PCDHA4: variants seen among roughly 807,000 people sequenced by gnomAD.
PCDHA4 encodes the protein protocadherin alpha-4.
In PCDHA4, 49 loss-of-function variants were observed where a neutral mutation model predicts 61.4. That is an observed-to-expected ratio of 0.80 (90% CI 0.63 to 1.01). PCDHA4 has a LOEUF of 1.01. PCDHA4 is among the 50% of genes least tolerant of loss of function. The pLI is 0.00. For missense variants in PCDHA4, 1,254 were observed against 1,235.8 expected, an observed-to-expected ratio of 1.01 and a Z score of -0.22; for synonymous variants, 590 against 550.3, an observed-to-expected ratio of 1.07 and a Z score of -1.01.
At position 140,882,742 on chromosome 5, in the gene PCDHA4, C is replaced by G. The variant is rs372229324; in HGVS notation, c.2385+73170C>G. Reference sequence around the variant, plus strand: ...CTCGATTTCCACTAGATGGCGCATCCGATGCAGATATTGGAGTAAACTCGG... The same window carrying G: ...CTCGATTTCCACTAGATGGCGCATCGGATGCAGATATTGGAGTAAACTCGG... On this transcript the variant is annotated intron_variant, in intron 1 of 3. Coordinates refer to ENST00000530339, the MANE Select transcript of PCDHA4 (RefSeq NM_018907.4). 126 of 1,614,092 alleles carry G rather than the reference C, an allele frequency of 7.8e-5. 1 individual carries two copies. The Middle Eastern group carries it at 1.6e-3, about 21-fold the overall frequency.
chr5:140,841,945 C>A (rs1554138662), intron 1 of PCDHA4: 1 of 1,613,782 alleles, frequency 6.2e-7, no homozygotes, highest in African/African-American at 1.3e-5. Flanking sequence ...CTCCTGCGCA[C>A]CACTTATTCC....
chr5:140,851,112 C>A lies in PCDHA4; in HGVS notation c.2385+41540C>A. On this transcript the variant is annotated intron_variant, in intron 1 of 3. Coordinates refer to ENST00000530339, the MANE Select transcript of PCDHA4 (RefSeq NM_018907.4). ...AATAGATATTTTTTGGGTGCTGAAT[C>A]AATTTTATTTAAATTTGTGATTAAA... The A allele has an allele frequency of 5.4e-6, 7 of 1,301,380 alleles. 1 individual carries two copies. The highest frequency in any genetic ancestry group is 7.0e-6 in the Non-Finnish European group (7 of 1,004,338). 80.6% of individuals were successfully genotyped at this position (1,301,380 alleles called of 1,614,324 possible). A position where few individuals can be genotyped will look rare whatever the true frequency, so the allele number is the denominator to read the frequency against.
chr5:140,905,170 G>A (rs1350085385), intron 1 of PCDHA4, among the ~76,000 whole-genome samples: 1 of 152,188 alleles, frequency 6.6e-6, no homozygotes, highest in Non-Finnish European at 1.5e-5. Context: ...ATGGTTTCAG[G>A]TTTTAGATTT....
intron 1 of PCDHA4, among the ~76,000 whole-genome samples, chr5:140,961,406 G>C (rs1046743232): frequency 4.6e-5 from 7 of 152,008 alleles, no homozygotes; most frequent in Non-Finnish European, 1.0e-4. Flanking sequence ...AACACTTTTT[G>C]GCATGTTATT....
chr5:140,850,322 C>A (rs2150479524), intron 1 of PCDHA4: 3 of 1,597,382 alleles, frequency 1.9e-6, no homozygotes, highest in African/African-American at 1.3e-5. Context: ...GGCTTTCATA[C>A]GAGCTGCAGC....
At chr5:140,965,037 C>T (rs1260839947) in intron 1 of PCDHA4, among the ~76,000 whole-genome samples, 1 of 152,142 alleles carries the variant, frequency 6.6e-6, no homozygotes, top group African/African-American at 2.4e-5. Context: ...TAACTGTCCG[C>T]TCTAGGAGGG....
intron 1 of PCDHA4, chr5:140,926,752 C>T (rs1176032200): frequency 8.0e-7 from 1 of 1,254,344 alleles, no homozygotes; most frequent in Admixed American, 3.6e-5. Context: ...CGTCGGCGGT[C>T]GCTGAGTATC....
chr5:140,858,487 C>G (rs896590695), intron 1 of PCDHA4: 5 of 1,499,788 alleles, frequency 3.3e-6, no homozygotes, highest in Non-Finnish European at 4.5e-6. Flanking sequence ...ATAATATTTT[C>G]TCTTACCGCA....
At position 140,850,688 on chromosome 5, in the gene PCDHA4, G is replaced by A. The variant is rs2150494137; in HGVS notation, c.2385+41116G>A. On this transcript the variant is annotated intron_variant, in intron 1 of 3. Coordinates refer to ENST00000530339, the MANE Select transcript of PCDHA4 (RefSeq NM_018907.4). ...GCTCGGCGATGCCCACCGAGGGCGA[G>A]TGCGCGCCTGGCAAGCCGACGCTGG... The A allele has an allele frequency of 4.4e-6, 7 of 1,598,388 alleles. 1 individual carries two copies. The African/African-American group carries it at 8.1e-5, about 18-fold the overall frequency.
At chr5:140,985,083 G>A (rs782261438) in intron 3 of PCDHA4, among the ~76,000 whole-genome samples, 5 of 152,158 alleles carry the variant, frequency 3.3e-5, no homozygotes, top group East Asian at 1.9e-4. Context: ...GACTACAGGC[G>A]TGTGCCACCA....
intron 1 of PCDHA4, chr5:140,928,696 C>G: frequency 6.2e-7 from 1 of 1,614,146 alleles, no homozygotes. Flanking sequence ...CCACATCTCC[C>G]GGGCGTCTGA....
At chr5:140,913,348 C>A (rs1233529642) in intron 1 of PCDHA4, among the ~76,000 whole-genome samples, 1 of 152,080 alleles carries the variant, frequency 6.6e-6, no homozygotes, top group East Asian at 1.9e-4. Context: ...TCCATTTCCT[C>A]TAGATTTTTA....
rs568722959 is a variant in PCDHA4 at position 140,970,085 on chromosome 5, T to C, written c.2386-8864T>C. Among the ~76,000 whole-genome samples the C allele has an allele frequency of 2.6e-5, 4 of 151,946 alleles. No homozygotes were observed. The East Asian group carries it at 7.7e-4, about 29-fold the overall frequency. ...TATTAGAATGAGTGGATTAGGGGTG[T>C]GGGGGGATGGTGAAGACCAAGAGAA... is the stretch of plus-strand genomic sequence containing the variant. On this transcript the variant is annotated intron_variant, in intron 1 of 3. Coordinates refer to ENST00000530339, the MANE Select transcript of PCDHA4 (RefSeq NM_018907.4).
chr5:140,883,377 C>T lies in PCDHA4; in HGVS notation c.2385+73805C>T, dbSNP rs1436655611. On this transcript the variant is annotated intron_variant, in intron 1 of 3. Coordinates refer to ENST00000530339, the MANE Select transcript of PCDHA4 (RefSeq NM_018907.4). ...GACACTCAGCCTAGCGCCATTATTG[C>T]CCTAATCAGTGTGTCCGATCGTGAC... The T allele has an allele frequency of 1.5e-5, 25 of 1,614,054 alleles. No individual in the cohort carries two copies. Among genetic ancestry groups the T allele is most frequent in the Non-Finnish European group, 2.0e-5 (24 of 1,180,036 alleles).
intron 1 of PCDHA4, among the ~76,000 whole-genome samples, chr5:140,910,005 G>T (rs1554194067): frequency 1.3e-5 from 2 of 152,212 alleles, no homozygotes; most frequent in African/African-American, 4.8e-5. Flanking sequence ...ATTGTTGTCA[G>T]TGTCATCCTT....
At chr5:140,836,605 G>A (rs2150265383) in intron 1 of PCDHA4, 1 of 1,613,738 alleles carries the variant, frequency 6.2e-7, no homozygotes. Context: ...ACTCTGGTGT[G>A]CTCCAGCGCG....
At chr5:140,878,906 C>T (rs1320249788) in intron 1 of PCDHA4, among the ~76,000 whole-genome samples, 2 of 152,210 alleles carry the variant, frequency 1.3e-5, no homozygotes, top group African/African-American at 4.8e-5. Flanking sequence ...CAGGCTCCAC[C>T]ACTCCCAGCT....
chr5:140,812,296 A>G (rs180912974), intron 1 of PCDHA4: 1 of 152,090 alleles, frequency 6.6e-6, no homozygotes, highest in Non-Finnish European at 1.5e-5. Context: ...ATTTTTTGGT[A>G]TATGATTTTA....
At chr5:140,967,373 A>C in intron 1 of PCDHA4, 1 of 1,607,416 alleles carries the variant, frequency 6.2e-7, no homozygotes, top group Non-Finnish European at 8.5e-7. Flanking sequence ...CCTGCAGGAG[A>C]ACAGTAAAGT....
Sources: gnomAD v4.1 joint callset for allele counts (sites outside exome capture counted in the v4.1 genomes callset) on GRCh38, gnomAD v4.1.1 for gene constraint, MANE v1.5 for transcripts, NCBI Gene and HGNC (gene_info 2026-07-23, HGNC 2026-07-21) for gene names.